The following GABRB2 variants were observed in gnomAD, a reference collection of about 807,000 sequenced individuals.
GABRB2 encodes gamma-aminobutyric acid type A receptor subunit beta2.
Under a neutral mutation model 54.7 loss-of-function variants are expected in GABRB2, and 16 were observed. The ratio of observed to expected loss-of-function variants is 0.29; its 90% CI spans 0.20 to 0.44. The LOEUF (loss-of-function observed/expected upper bound fraction) is 0.44, where lower values mean the gene tolerates loss of function less well. Ranked by LOEUF, GABRB2 falls within the 20% of genes least tolerant of loss-of-function variation. GABRB2 has a pLI of 1.00. For synonymous variants in GABRB2, 244 were observed against 233.8 expected (o/e 1.04, Z -0.40); for missense variants, 355 against 644.0 (o/e 0.55, Z 4.86).
At position 161,390,115 on chromosome 5, in the gene GABRB2, T is replaced by A. The variant is rs577104678; in HGVS notation, c.541+20860A>T. On this transcript the variant is annotated intron_variant, in intron 5 of 9. Transcript: ENST00000393959. ...GCATATGACAAACTTACAACCCATA[T>A]GTAAACTAATAGATAATTAGGCCAG... is the stretch of plus-strand genomic sequence containing the variant. Among the ~76,000 whole-genome samples the A allele has an allele frequency of 1.3e-4, 20 of 152,188 alleles. No homozygotes were observed. In the South Asian group the frequency reaches 4.1e-3, roughly 32 times the overall value.
At chr5:161,399,139 A>T (rs1174537010) in intron 5 of GABRB2, among the ~76,000 whole-genome samples, 1 of 152,212 alleles carries the variant, frequency 6.6e-6, no homozygotes, top group Non-Finnish European at 1.5e-5. Flanking sequence ...GAAAGCGTAC[A>T]CTTCAGTAGG....
At chr5:161,417,186 A>G (rs983425240) in intron 4 of GABRB2, among the ~76,000 whole-genome samples, 1 of 152,196 alleles carries the variant, frequency 6.6e-6, no homozygotes, top group Non-Finnish European at 1.5e-5. Flanking sequence ...TTTCCCTTAT[A>G]ATATGCTCTT....
chr5:161,331,376 C>T (rs186487374), intron 7 of GABRB2, among the ~76,000 whole-genome samples: 36 of 151,932 alleles, frequency 2.4e-4, no homozygotes, highest in African/African-American at 8.0e-4. Flanking sequence ...ATATCTAGTG[C>T]GGGGTTAAAA....
chr5:161,481,381 C>T (rs940147828), intron 3 of GABRB2, among the ~76,000 whole-genome samples: 3 of 152,140 alleles, frequency 2.0e-5, no homozygotes, highest in South Asian at 2.1e-4. Flanking sequence ...CTAATTATTA[C>T]TCATACGTAC....
chr5:161,367,903 A>G (rs913064194), intron 5 of GABRB2, among the ~76,000 whole-genome samples: 1 of 152,150 alleles, frequency 6.6e-6, no homozygotes, highest in East Asian at 1.9e-4. Flanking sequence ...GATTTTCAAG[A>G]TGCATCTGGA....
chr5:161,527,112 T>TA (rs1760307515), intron 3 of GABRB2, among the ~76,000 whole-genome samples: 1 of 151,422 alleles, frequency 6.6e-6, no homozygotes, highest in African/African-American at 2.4e-5. Context: ...TTAGAGTAAT[T>TA]AAAACCACAT....
chr5:161,393,628 G>T (rs1324025999), intron 5 of GABRB2, among the ~76,000 whole-genome samples: 1 of 151,976 alleles, frequency 6.6e-6, no homozygotes, highest in African/African-American at 2.4e-5. Flanking sequence ...CCTATAAAAT[G>T]CACTTTGAGA....
At chr5:161,342,387 TA>T (rs1203443008) in intron 5 of GABRB2, among the ~76,000 whole-genome samples, 2 of 152,064 alleles carry the variant, frequency 1.3e-5, no homozygotes, top group African/African-American at 4.8e-5. Context: ...TAACTATTAG[TA>T]AAACTTGATT....
intron 9 of GABRB2, among the ~76,000 whole-genome samples, chr5:161,316,502 CT>C (rs1445560045): frequency 6.6e-6 from 1 of 152,182 alleles, no homozygotes; most frequent in Non-Finnish European, 1.5e-5. Context: ...ACTATTCTTT[CT>C]TTTTGTTTAT....
At chr5:161,535,288 T>A (rs1208054499) in intron 3 of GABRB2, among the ~76,000 whole-genome samples, 1 of 152,200 alleles carries the variant, frequency 6.6e-6, no homozygotes, top group Non-Finnish European at 1.5e-5. Context: ...GAATATTATA[T>A]AATGCACTGT....
Position 161,310,824 on chromosome 5 carries a change from G to A in GABRB2, c.1191+15544C>T, listed in dbSNP as rs1006002475. Among the ~76,000 whole-genome samples the A allele has an allele frequency of 2.0e-5, 3 of 150,030 alleles. No individual in the cohort carries two copies. In the South Asian group the frequency reaches 6.3e-4, roughly 31 times the overall value. ...GTCGCCCAGGCTGGAGTGCAGTGGC[G>A]CAATCTCGGCTCACTGCAAGCTCCA... On this transcript the variant is annotated intron_variant, in intron 9 of 9. Transcript: ENST00000393959.
chr5:161,392,292 T>C (rs1755849451), intron 5 of GABRB2, among the ~76,000 whole-genome samples: 1 of 152,210 alleles, frequency 6.6e-6, no homozygotes, highest in African/African-American at 2.4e-5. Flanking sequence ...TGTGTAATAG[T>C]ATTTATGATT....
At chr5:161,404,386 T>C (rs1054778296) in intron 5 of GABRB2, among the ~76,000 whole-genome samples, 1 of 152,072 alleles carries the variant, frequency 6.6e-6, no homozygotes, top group Non-Finnish European at 1.5e-5. Flanking sequence ...TAAGCCTCAC[T>C]GTAGTTTTAC....
chr5:161,326,465 A>C lies in GABRB2; in HGVS notation c.1094T>G (p.Ile365Ser), dbSNP rs1758366511. The C allele has an allele frequency of 6.2e-7, 1 of 1,613,358 alleles. No individual in the cohort carries two copies. The highest frequency in any genetic ancestry group is 1.3e-5 in the African/African-American group (1 of 74,992). Reference sequence around the variant, plus strand: ...TCGATATTGGGTCCCATTTTGTTTAATATCTTTATAAAAAATCTGGAAGAC... The same window carrying C: ...TCGATATTGGGTCCCATTTTGTTTACTATCTTTATAAAAAATCTGGAAGAC... ...LDVNKIFYKD[I>S]KQNGTQYRSL... is the part of the protein sequence containing the mutation. Residue 365 changes from isoleucine to serine, a missense_variant, in exon 9 of 10, where the codon ATT (isoleucine) becomes AGT (serine). By Grantham distance (142) the Ile-to-Ser change is moderately radical. Coordinates refer to ENST00000393959, the MANE Select transcript of GABRB2 (RefSeq NM_001371727.1).
intron 4 of GABRB2, among the ~76,000 whole-genome samples, chr5:161,440,002 G>T (rs1035604612): frequency 8.0e-6 from 1 of 124,546 alleles, no homozygotes; most frequent in Non-Finnish European, 1.7e-5. Context: ...ACAAAATAAA[G>T]ACAATCACAT....
intron 3 of GABRB2, among the ~76,000 whole-genome samples, chr5:161,476,754 T>C (rs1265695280): frequency 3.3e-5 from 5 of 151,896 alleles, no homozygotes; most frequent in Non-Finnish European, 7.4e-5. Flanking sequence ...AAGAATGAAG[T>C]TGGGCTCTTA....
At chr5:161,391,378 A>T (rs2113037729) in intron 5 of GABRB2, among the ~76,000 whole-genome samples, 1 of 152,296 alleles carries the variant, frequency 6.6e-6, no homozygotes, top group African/African-American at 2.4e-5. Flanking sequence ...ACAGGTTTTT[A>T]AACAATCTGT....
At chr5:161,378,696 T>C (rs1475839296) in intron 5 of GABRB2, among the ~76,000 whole-genome samples, 1 of 152,126 alleles carries the variant, frequency 6.6e-6, no homozygotes, top group Non-Finnish European at 1.5e-5. Flanking sequence ...AAAATAACAT[T>C]TAATATATGT....
intron 4 of GABRB2, among the ~76,000 whole-genome samples, chr5:161,439,701 C>A (rs78005484): frequency 0.022 from 3,290 of 152,088 alleles, 126 homozygotes; most frequent in African/African-American, 0.074. Flanking sequence ...TTTCTTTTTG[C>A]TTGTCTGCTT....
Sources: allele counts gnomAD v4.1 joint callset (sites outside exome capture counted in the v4.1 genomes callset), GRCh38; gene constraint gnomAD v4.1.1; transcripts MANE v1.5; gene names NCBI Gene and HGNC (gene_info 2026-07-23, HGNC 2026-07-21).